TRMT2B: variants seen among roughly 807,000 people sequenced by gnomAD.
TRMT2B encodes the protein tRNA methyltransferase 2B.
Under a neutral mutation model 39.7 loss-of-function variants are expected in TRMT2B, and 34 were observed. The observed-to-expected ratio is 0.86, with a 90% CI of 0.65 to 1.14. The LOEUF (loss-of-function observed/expected upper bound fraction) is 1.14. Among genes scored for constraint, TRMT2B ranks in the 50% most tolerant of loss-of-function variants. The probability of loss-of-function intolerance (pLI) is 0.00; values close to 1 mark genes in which losing one functional copy is unlikely to be tolerated. For synonymous variants in TRMT2B, 132 were observed against 137.3 expected, an observed-to-expected ratio of 0.96 and a Z score of 0.27; for missense variants, 318 against 377.2, an observed-to-expected ratio of 0.84 and a Z score of 1.30.
At chrX:100,988,656 C>A in the TRMT2B span, 3 of 684,724 alleles carry the variant, frequency 4.4e-6, no homozygotes, top group Non-Finnish European at 5.7e-6. Flanking sequence ...TTTCTTTCCT[C>A]ACTCTATGGT....
chrX:101,037,820 T>C, intron 5 of TRMT2B, 97 bp downstream of exon 5: 1 of 879,120 alleles, frequency 1.1e-6, no homozygotes, highest in East Asian at 3.3e-5. Context: ...TAATTTAGCA[T>C]AGGGCCTGGT....
chrX:101,037,641 T>C (rs2087916600), intron 5 of TRMT2B: 1 of 241,754 alleles, frequency 4.1e-6, no homozygotes, highest in African/African-American at 2.9e-5. Context: ...TACAATGGAG[T>C]CTCTATCAGA....
At chrX:101,036,934 A>C in intron 6 of TRMT2B, 40 bp downstream of exon 6, 7 of 1,047,693 alleles carry the variant, frequency 6.7e-6, no homozygotes, top group Non-Finnish European at 9.4e-6. Context: ...GCACCCTTTC[A>C]TTCCTCTTCA....
In TRMT2B at chrX:101,030,454, C is replaced by CTTTTTTTTTTT. The variant is rs1331923176; in HGVS notation, c.609+5148_609+5158dup. Among the ~76,000 whole-genome samples the CTTTTTTTTTTT allele has an allele frequency of 6.3e-4, 45 of 71,838 alleles. 6 individuals are homozygous for CTTTTTTTTTTT. Among genetic ancestry groups the CTTTTTTTTTTT allele is most frequent in the African/African-American group, 2.5e-3 (38 of 15,153 alleles). The allele number at this position is 71,838 out of a possible 115,157, so 62.4% of individuals were successfully genotyped here. On this transcript the variant is annotated intron_variant, in intron 7 of 13. Transcript: ENST00000372936. ...GGAAAAGCCTATATAGATCTGCATT[C>CTTTTTTTTTTT]TTTTTTTTTTTTTTCAGATGGAGTC...
In TRMT2B at chrX:101,042,217, T is replaced by C; in HGVS notation, c.73A>G (p.Lys25Glu). ...YFISMVGLFS[K>E]PGLLPWYARN... ...GCATACCAGGGAAGCAGTCCTGGTT[T>C]GGAGAAGAGACCCACCATGGAGATG... Residue 25 changes from lysine to glutamate, a missense_variant, in exon 3 of 14, where the codon AAA becomes GAA. Coordinates refer to ENST00000372936, the MANE Select transcript of TRMT2B (RefSeq NM_024917.6). The C allele has an allele frequency of 8.2e-7, 1 of 1,212,241 alleles. No individual in the cohort carries two copies. Among genetic ancestry groups the C allele is most frequent in the African/African-American group, 1.7e-5 (1 of 57,965 alleles).
intron 4 of TRMT2B, 24 bp from the exon 5 acceptor site, chrX:101,038,075 A>C: frequency 8.3e-7 from 1 of 1,204,309 alleles, no homozygotes; most frequent in East Asian, 3.0e-5. Flanking sequence ...TAAGCTATGA[A>C]ACGAAATACT....
At chrX:101,044,772 G>T (rs866633380) in intron 2 of TRMT2B, among the ~76,000 whole-genome samples, 1 of 105,830 alleles carries the variant, frequency 9.4e-6, no homozygotes. Flanking sequence ...CCCAGGAGGC[G>T]GAGGTTGCAG....
Position 101,020,466 on chromosome X carries a change from C to T in TRMT2B, c.1168+21G>A, listed in dbSNP as rs199675267. Reference sequence around the variant, plus strand: ...AAACAACTGCATCCCTTAATTTCTACACAGACTGTAAGCTGTGTACCATTG... The same window carrying T: ...AAACAACTGCATCCCTTAATTTCTATACAGACTGTAAGCTGTGTACCATTG... On this transcript the variant is annotated intron_variant, in intron 11 of 13. Transcript: ENST00000372936. The T allele has an allele frequency of 3.3e-4, 383 of 1,160,508 alleles. 3 individuals carry two copies. In the African/African-American group the frequency reaches 6.4e-3, roughly 19 times the overall value.
the TRMT2B span, among the ~76,000 whole-genome samples, chrX:100,989,189 A>C: frequency 9.0e-6 from 1 of 111,567 alleles, no homozygotes; most frequent in Non-Finnish European, 1.9e-5. Context: ...AAGTTAGAAT[A>C]CAGCACGTAT....
intron 2 of TRMT2B, among the ~76,000 whole-genome samples, chrX:101,045,578 T>C (rs767760421): frequency 1.8e-5 from 2 of 108,636 alleles, no homozygotes; most frequent in African/African-American, 6.7e-5. Flanking sequence ...GAGACCAGCC[T>C]GAGCAACATA....
chrX:101,032,958 T>C (rs2087585569), intron 7 of TRMT2B, among the ~76,000 whole-genome samples: 1 of 110,214 alleles, frequency 9.1e-6, no homozygotes, highest in Non-Finnish European at 1.9e-5. Flanking sequence ...TATAAAGCAT[T>C]TGGGAAGAAA....
Position 101,018,847 on chromosome X carries a change from T to C in TRMT2B, c.1388+124A>G. 1.7e-5 allele frequency: 9 copies of C among 526,644 alleles called. No individual in the cohort carries two copies. In the South Asian group the frequency reaches 2.7e-4, roughly 16 times the overall value. 43.4% of individuals were successfully genotyped at this position (526,644 alleles called of 1,213,427 possible). ...TGAGTCTTAAAGGTGGTATTTTTTT[T>C]GTTTCAGTTTCTTTACACTTCTAAT... On this transcript the variant is annotated intron_variant, in intron 13 of 13. Coordinates refer to ENST00000372936, the MANE Select transcript of TRMT2B (RefSeq NM_024917.6).
At chrX:100,974,397 C>A in the TRMT2B span, among the ~76,000 whole-genome samples, 3 of 109,826 alleles carry the variant, frequency 2.7e-5, no homozygotes, top group African/African-American at 1.0e-4. Context: ...CCTTCCCTCC[C>A]TCCCTTCCCC....
the TRMT2B span, chrX:100,973,665 T>C: frequency 8.3e-7 from 1 of 1,205,312 alleles, no homozygotes; most frequent in African/African-American, 1.7e-5. Flanking sequence ...TTTCTTCTCT[T>C]AATATTTAAG....
the TRMT2B span, among the ~76,000 whole-genome samples, chrX:100,975,046 C>T: frequency 8.9e-6 from 1 of 111,798 alleles, no homozygotes; most frequent in Non-Finnish European, 1.9e-5. Context: ...ATCCACATAG[C>T]TACCAGAAAG....
chrX:100,988,400 C>A, the TRMT2B span: 1 of 1,204,709 alleles, frequency 8.3e-7, no homozygotes, highest in South Asian at 1.8e-5. Flanking sequence ...AGATTATGGT[C>A]TAAAAAGAAT....
intron 5 of TRMT2B, chrX:101,037,363 C>A (rs767614725): frequency 3.5e-6 from 1 of 286,648 alleles, no homozygotes; most frequent in South Asian, 6.6e-5. Flanking sequence ...TCAACTCTGC[C>A]ATCATAGTGC....
intron 13 of TRMT2B, among the ~76,000 whole-genome samples, chrX:101,016,896 C>T (rs942808473): frequency 2.7e-5 from 3 of 111,021 alleles, no homozygotes; most frequent in South Asian, 3.8e-4. Flanking sequence ...CCTATCGGGC[C>T]GGGTACGGTG....
chrX:101,026,061 G>C (rs1336920498), intron 7 of TRMT2B, among the ~76,000 whole-genome samples: 1 of 107,177 alleles, frequency 9.3e-6, no homozygotes, highest in Admixed American at 1.0e-4. Context: ...AGGGAGGGAG[G>C]GAGGAAGGAA....
Sources: allele counts gnomAD v4.1 joint callset (sites outside exome capture counted in the v4.1 genomes callset), GRCh38; gene constraint gnomAD v4.1.1; transcripts MANE v1.5; gene names NCBI Gene and HGNC (gene_info 2026-07-23, HGNC 2026-07-21).